LRRC7: variants seen among roughly 807,000 people sequenced by gnomAD.
LRRC7 encodes leucine rich repeat containing 7, also known as leucine-rich repeat-containing protein 7.
Under a neutral mutation model 175.7 loss-of-function variants are expected in LRRC7, and 23 were observed. The observed-to-expected ratio is 0.13, with a 90% CI of 0.09 to 0.19. The LOEUF is 0.19. LRRC7 is among the 10% of genes least tolerant of loss of function. The probability of loss-of-function intolerance (pLI) is 1.00; values close to 1 mark genes in which losing one functional copy is unlikely to be tolerated. For missense variants in LRRC7, 1,354 were observed against 1,904.7 expected, an observed-to-expected ratio of 0.71 and a Z score of 5.38; for synonymous variants, 685 against 680.9, an observed-to-expected ratio of 1.01 and a Z score of -0.09.
In LRRC7 at chr1:70,133,941, T is replaced by G. The variant is rs1666772764; in HGVS notation, c.*12054T>G. On this transcript the variant is annotated 3_prime_UTR_variant, in exon 27 of 27. Coordinates refer to ENST00000651989, the MANE Select transcript of LRRC7 (RefSeq NM_001370785.2). ...ATTTTTAAAGTTAACTTTCCAAAAC[T>G]TAAACATCAGGAACTGTGGTTAAGT... is the stretch of plus-strand genomic sequence containing the variant. Among the ~76,000 whole-genome samples the G allele has an allele frequency of 6.6e-6, 1 of 152,310 alleles. No individual in the cohort carries two copies. Among genetic ancestry groups the G allele is most frequent in the African/African-American group, 2.4e-5 (1 of 41,566 alleles).
At chr1:69,734,580 C>T (rs935938606) in intron 2 of LRRC7, among the ~76,000 whole-genome samples, 9 of 151,812 alleles carry the variant, frequency 5.9e-5, no homozygotes, top group African/African-American at 1.7e-4. Context: ...AACCACTTCT[C>T]TATGGCTAAA....
chr1:69,695,551 A>G (rs1662471683), intron 2 of LRRC7, among the ~76,000 whole-genome samples: 1 of 152,196 alleles, frequency 6.6e-6, no homozygotes. Flanking sequence ...ACTAAAATGG[A>G]GCCAAGCACT....
chr1:69,606,492 A>G (rs753909221), intron 1 of LRRC7, among the ~76,000 whole-genome samples: 1 of 152,118 alleles, frequency 6.6e-6, no homozygotes, highest in Non-Finnish European at 1.5e-5. Context: ...TAAGATACCA[A>G]AAGCTGATAA....
intron 1 of LRRC7, among the ~76,000 whole-genome samples, chr1:69,634,174 A>C (rs1449953247): frequency 6.6e-6 from 1 of 152,138 alleles, no homozygotes; most frequent in Non-Finnish European, 1.5e-5. Flanking sequence ...CTAGATAAAG[A>C]GTATGAATAT....
intron 7 of LRRC7, among the ~76,000 whole-genome samples, chr1:69,906,887 T>C (rs551313337): frequency 3.3e-5 from 5 of 152,196 alleles, no homozygotes; most frequent in South Asian, 2.1e-4. Flanking sequence ...TCTTCCTACC[T>C]ATGAGCATGG....
intron 3 of LRRC7, among the ~76,000 whole-genome samples, chr1:69,791,094 A>G (rs756794786): frequency 7.2e-5 from 11 of 152,152 alleles, no homozygotes; most frequent in Non-Finnish European, 1.3e-4. Context: ...GAAATTCAGC[A>G]AAACAGAATT....
At chr1:69,843,568 G>A (rs1051943509) in intron 7 of LRRC7, among the ~76,000 whole-genome samples, 1 of 151,674 alleles carries the variant, frequency 6.6e-6, no homozygotes, top group East Asian at 1.9e-4. Flanking sequence ...TTATCCCTTG[G>A]GCATCATTGC....
intron 1 of LRRC7, among the ~76,000 whole-genome samples, chr1:69,632,195 A>G (rs1432127792): frequency 1.3e-5 from 2 of 152,086 alleles, no homozygotes; most frequent in African/African-American, 2.4e-5. Context: ...CCATGTGCCC[A>G]CAGCACCCAT....
rs141372351 is a variant in LRRC7 at position 69,997,195 on chromosome 1, C to G, written c.1004+2562C>G. On this transcript the variant is annotated intron_variant, in intron 11 of 26. Transcript: ENST00000651989. ...GGGAGTTCACTCATGATTTGGCTCT[C>G]TGTTTCTCTGTTGTTGGTGTATGAG... 7.5e-3 allele frequency among the ~76,000 whole-genome samples: 1,135 copies of G among 152,236 alleles called. 11 individuals are homozygous for G. The highest frequency in any genetic ancestry group is 0.025 in the African/African-American group (1,045 of 41,526).
intron 1 of LRRC7, among the ~76,000 whole-genome samples, chr1:69,573,571 G>C (rs183823463): frequency 2.4e-4 from 37 of 152,184 alleles, no homozygotes; most frequent in African/African-American, 8.4e-4. Context: ...TGAGTCAATA[G>C]CTGTCATGTC....
chr1:69,723,760 G>A (rs1000742661), intron 2 of LRRC7, among the ~76,000 whole-genome samples: 10 of 152,214 alleles, frequency 6.6e-5, no homozygotes, highest in Non-Finnish European at 1.5e-4. Context: ...CAGATTCAGT[G>A]TCTAATGAGG....
chr1:69,898,711 A>C (rs987666518), intron 7 of LRRC7, among the ~76,000 whole-genome samples: 1 of 150,890 alleles, frequency 6.6e-6, no homozygotes, highest in Non-Finnish European at 1.5e-5. Flanking sequence ...ATCAATTCTA[A>C]GTGGTCAGGA....
At chr1:69,957,322 T>TA (rs1557929943) in intron 8 of LRRC7, among the ~76,000 whole-genome samples, 1 of 151,820 alleles carries the variant, frequency 6.6e-6, no homozygotes, top group Non-Finnish European at 1.5e-5. Flanking sequence ...TGGAAAGACT[T>TA]ACAATTTTTT....
chr1:69,589,096 GTT>G (rs1318503200), intron 1 of LRRC7, among the ~76,000 whole-genome samples: 1 of 142,812 alleles, frequency 7.0e-6, no homozygotes, highest in African/African-American at 2.7e-5. Flanking sequence ...AACTTTTTGT[GTT>G]ACCACTTCAT....
At chr1:69,755,141 A>G (rs1371677251) in intron 2 of LRRC7, among the ~76,000 whole-genome samples, 2 of 151,944 alleles carry the variant, frequency 1.3e-5, no homozygotes, top group African/African-American at 4.8e-5. Context: ...CTACTTGCTA[A>G]TATGTCAACT....
At chr1:69,880,302 G>A (rs1427574225) in intron 7 of LRRC7, among the ~76,000 whole-genome samples, 1 of 152,200 alleles carries the variant, frequency 6.6e-6, no homozygotes, top group African/African-American at 2.4e-5. Flanking sequence ...TGGGCTCCTT[G>A]TGGGAGCTGG....
intron 4 of LRRC7, among the ~76,000 whole-genome samples, chr1:69,816,100 C>T (rs1278941547): frequency 6.6e-6 from 1 of 152,072 alleles, no homozygotes; most frequent in Non-Finnish European, 1.5e-5. Flanking sequence ...GCCTCAGCCT[C>T]CTGAGTAGCT....
intron 3 of LRRC7, among the ~76,000 whole-genome samples, chr1:69,787,559 C>T (rs979179197): frequency 1.1e-4 from 16 of 152,222 alleles, no homozygotes; most frequent in African/African-American, 2.4e-4. Flanking sequence ...CTTCTGTGTA[C>T]TTGCAGGCTC....
chr1:69,966,279 A>G (rs1651658646), intron 8 of LRRC7, among the ~76,000 whole-genome samples: 1 of 152,152 alleles, frequency 6.6e-6, no homozygotes, highest in Admixed American at 6.6e-5. Context: ...AACAGGTTTC[A>G]TTCTGTTGCC....
Sources: allele counts gnomAD v4.1 joint callset (sites outside exome capture counted in the v4.1 genomes callset), GRCh38; gene constraint gnomAD v4.1.1; transcripts MANE v1.5; gene names NCBI Gene and HGNC (gene_info 2026-07-23, HGNC 2026-07-21).